The following LAMB3 variants were observed in gnomAD, a reference collection of about 807,000 sequenced individuals.
LAMB3 encodes the protein laminin subunit beta 3.
Under a neutral mutation model 140.3 loss-of-function variants are expected in LAMB3, and 104 were observed. The ratio of observed to expected loss-of-function variants is 0.74; its 90% CI spans 0.63 to 0.87. The LOEUF (loss-of-function observed/expected upper bound fraction) is 0.87. Ranked by LOEUF, LAMB3 falls within the 40% of genes least tolerant of loss-of-function variation. The pLI is 0.00. For synonymous variants in LAMB3, 592 were observed against 602.9 expected, an observed-to-expected ratio of 0.98 and a Z score of 0.26; for missense variants, 1,531 against 1,575.2, an observed-to-expected ratio of 0.97 and a Z score of 0.47.
At chr1:209,619,071 T>C (rs1004697801) in intron 18 of LAMB3, among the ~76,000 whole-genome samples, 2 of 152,200 alleles carry the variant, frequency 1.3e-5, no homozygotes, top group Admixed American at 6.5e-5. Context: ...AAAAGACCCC[T>C]TCCCTGCATT....
In LAMB3 at chr1:209,623,722, G is replaced by T; in HGVS notation, c.2141C>A (p.Ala714Asp). Residue 714 changes from alanine to aspartate, a missense_variant, in exon 16 of 23, where the codon GCC becomes GAC. By Grantham distance (126) the Ala-to-Asp change is moderately radical. Transcript: ENST00000356082. This position sits in a 1 kb window ranked among gnomAD's most constrained non-coding sequence, Gnocchi z 4.2. ...EKISSADPSG[A>D]FRMLSTAYEQ... ...GTAGGCTGTGCTCAGCATCCGGAAG[G>T]CTCCTGTGGCGAGAAGCATGAGGAA... is the stretch of plus-strand genomic sequence containing the variant. The T allele has an allele frequency of 1.2e-6, 2 of 1,613,996 alleles. No homozygotes were observed. Among genetic ancestry groups the T allele is most frequent in the Non-Finnish European group, 1.7e-6 (2 of 1,180,026 alleles).
At chr1:209,644,911 G>A (rs1316177018) in intron 3 of LAMB3, among the ~76,000 whole-genome samples, 4 of 152,182 alleles carry the variant, frequency 2.6e-5, no homozygotes, top group Non-Finnish European at 5.9e-5. Context: ...AAGAAGCAAG[G>A]TAGGTCTGCA....
rs1395720985 is a variant in LAMB3 at position 209,627,463 on chromosome 1, G to A, written c.1405C>T (p.His469Tyr). 6.2e-7 allele frequency: 1 copy of A among 1,613,908 alleles called. No homozygotes were observed. Among genetic ancestry groups the A allele is most frequent in the East Asian group, 2.2e-5 (1 of 44,862 alleles). ...CCCTGGCCACTGGCCAGCTTCCAGT[G>A]GTAGGGAGCACACTGGTCACATTTG... ...GPKCDQCAPYHWKLASGQGCE... is the reference protein window; with the variant it reads ...GPKCDQCAPYYWKLASGQGCE... The change falls in exon 12 of 23, where the codon CAC (histidine) becomes TAC (tyrosine). Residue 469 changes from histidine (H) to tyrosine (Y), a missense_variant. Transcript: ENST00000356082.
chr1:209,651,586 G>A (rs2076566816), intron 1 of LAMB3, among the ~76,000 whole-genome samples: 1 of 152,230 alleles, frequency 6.6e-6, no homozygotes, highest in Admixed American at 6.5e-5. Context: ...TAACAAGTGA[G>A]TGAGGGTTTC....
intron 5 of LAMB3, among the ~76,000 whole-genome samples, chr1:209,635,992 T>A (rs984722818): frequency 6.6e-6 from 1 of 152,204 alleles, no homozygotes; most frequent in Non-Finnish European, 1.5e-5. Flanking sequence ...GGGTTCCCTC[T>A]CATCTTTTGT....
chr1:209,623,991 G>A lies in LAMB3; in HGVS notation c.1986C>T (p.Leu662=), dbSNP rs763548088. Residue 662 remains leucine (L), a synonymous_variant, in exon 15 of 23, where the codon CTC becomes CTT. Coordinates refer to ENST00000356082, the MANE Select transcript of LAMB3 (RefSeq NM_000228.3). The surrounding 1 kb of genome is among the most constrained non-coding windows in gnomAD (Gnocchi z 4.2). The part of the protein sequence containing the change: ...ASAILSLRRT[L]QGLQLDLPLE... ...GGGGCAGATCCAGCTGCAGGCCCTG[G>A]AGAGTTCGCCTGAGAAGGGAGAGGA... The A allele has an allele frequency of 6.2e-7, 1 of 1,613,334 alleles. No homozygotes were observed. Among genetic ancestry groups the A allele is most frequent in the Non-Finnish European group, 8.5e-7 (1 of 1,179,992 alleles).
At chr1:209,618,344 C>A (rs1430237332) in intron 19 of LAMB3, 108 bp downstream of exon 19, 1 of 1,124,920 alleles carries the variant, frequency 8.9e-7, no homozygotes, top group Non-Finnish European at 1.3e-6. Flanking sequence ...ATGGTAAGCA[C>A]CCCCTCCTGT....
chr1:209,631,681 C>T (rs966313623), intron 8 of LAMB3, among the ~76,000 whole-genome samples: 2 of 152,206 alleles, frequency 1.3e-5, no homozygotes, highest in Non-Finnish European at 2.9e-5. Flanking sequence ...CCTCCCACCT[C>T]GTCATGTCAT....
At chr1:209,620,746 G>A (rs1422365518) in intron 18 of LAMB3, among the ~76,000 whole-genome samples, 1 of 152,224 alleles carries the variant, frequency 6.6e-6, no homozygotes, top group Non-Finnish European at 1.5e-5. Flanking sequence ...TGTAATACAT[G>A]CAAAGCACTT....
At position 209,638,558 on chromosome 1, in the gene LAMB3, TG is replaced by T; in HGVS notation, c.273del (p.Met92CysfsTer10). On this transcript the variant is annotated frameshift_variant, in exon 4 of 23. Coordinates refer to ENST00000356082, the MANE Select transcript of LAMB3 (RefSeq NM_000228.3). LOFTEE classifies it high-confidence loss of function. ...RVENVASSSGPMRWWQSQNDV... is the reference protein window; with the variant it reads ...RVENVASSSGXMRWWQSQNDV... ...CCATTCTGTGACTGCCACCAGCGCA[TG>T]GGGCCGGAGGATGAAGCCACATTCT... The T allele has an allele frequency of 6.2e-7, 1 of 1,612,746 alleles. No individual in the cohort carries two copies. The highest frequency in any genetic ancestry group is 8.5e-7 in the Non-Finnish European group (1 of 1,178,718).
Position 209,637,991 on chromosome 1 carries a change from CA to C in LAMB3, c.299-11del, listed in dbSNP as rs762438615. On this transcript the variant is annotated splice_polypyrimidine_tract_variant and intron_variant, in intron 4 of 22. Transcript: ENST00000356082. ...GAGACAGGGTTCACATCTGGAAGGA[CA>C]AAAAATAGAAACTGTCATCCAGAGA... The C allele has an allele frequency of 1.2e-6, 2 of 1,609,472 alleles. No homozygotes were observed. The highest frequency in any genetic ancestry group is 1.7e-6 in the Non-Finnish European group (2 of 1,177,162).
rs139931753 is a variant in LAMB3 at position 209,639,667 on chromosome 1, G to GCA, written c.184-1021_184-1020dup. Reference sequence around the variant, plus strand: ...CGCACACGCGTGCACATGCGCACACGCACACACACACACACAGATAACACG... The same window carrying GCA: ...CGCACACGCGTGCACATGCGCACACGCACACACACACACACACAGATAACACG... On this transcript the variant is annotated intron_variant, in intron 3 of 22. Transcript: ENST00000356082. Among the ~76,000 whole-genome samples the GCA allele has an allele frequency of 2.2e-3, 338 of 150,726 alleles. 1 individual carries two copies. The highest frequency in any genetic ancestry group is 7.0e-3 in the African/African-American group (289 of 41,110).
chr1:209,640,287 C>T (rs773224867), intron 3 of LAMB3, among the ~76,000 whole-genome samples: 1 of 152,214 alleles, frequency 6.6e-6, no homozygotes, highest in Non-Finnish European at 1.5e-5. Flanking sequence ...TGGTGGCTCA[C>T]GCCTGTAATC....
chr1:209,622,771 G>T, intron 17 of LAMB3, 91 bp from the exon 18 acceptor site: 1 of 1,544,934 alleles, frequency 6.5e-7, no homozygotes, highest in Non-Finnish European at 8.9e-7. Flanking sequence ...TCTATGCCAA[G>T]ACCTACCTAG....
Position 209,637,961 on chromosome 1 carries a change from G to T in LAMB3, c.319C>A (p.Gln107Lys), listed in dbSNP as rs1384430618. The T allele has an allele frequency of 2.5e-6, 4 of 1,613,190 alleles. No individual in the cohort carries two copies. Among genetic ancestry groups the T allele is most frequent in the Non-Finnish European group, 2.5e-6 (3 of 1,179,600 alleles). Residue 107 changes from glutamine to lysine, a missense_variant, in exon 5 of 23, where the codon CAG becomes AAG. By Grantham distance (53) the Gln-to-Lys change is moderately conservative. Transcript: ENST00000356082. Reference protein sequence around the residue: ...SQNDVNPVSLQLDLDRRFQLQ... With the variant: ...SQNDVNPVSLKLDLDRRFQLQ... ...TGGAATCTCCTGTCCAGGTCCAGCTGCAGAGAGACAGGGTTCACATCTGGA... is the reference window on the plus strand; with the variant it reads ...TGGAATCTCCTGTCCAGGTCCAGCTTCAGAGAGACAGGGTTCACATCTGGA...
Position 209,618,438 on chromosome 1 carries a change from G to A in LAMB3, c.2909+14C>T, listed in dbSNP as rs557345875. On this transcript the variant is annotated intron_variant, in intron 19 of 22. Transcript: ENST00000356082. ...AATCCTGGGCAGAGAGAAGTTCAGG[G>A]CCCAAGGCCATACCTGGCTTCCTCA... The A allele has an allele frequency of 6.8e-6, 11 of 1,611,986 alleles. No individual in the cohort carries two copies. The highest frequency in any genetic ancestry group is 9.3e-6 in the Non-Finnish European group (11 of 1,179,552).
chr1:209,618,138 AC>A, intron 19 of LAMB3, 90 bp from the exon 20 acceptor site: 1 of 1,520,628 alleles, frequency 6.6e-7, no homozygotes, highest in Non-Finnish European at 9.1e-7. Context: ...GTCCAAAAGA[AC>A]ACCCTTCCCA....
chr1:209,623,822 G>A lies in LAMB3; in HGVS notation c.2137+18C>T, dbSNP rs747650192. 67 of 1,614,038 alleles carry A rather than the reference G, an allele frequency of 4.2e-5. No individual in the cohort carries two copies. Among genetic ancestry groups the A allele is most frequent in the Middle Eastern group, 1.6e-4 (1 of 6,084 alleles). On this transcript the variant is annotated intron_variant, in intron 15 of 22. Transcript: ENST00000356082. This position sits in a 1 kb window ranked among gnomAD's most constrained non-coding sequence, Gnocchi z 4.2. ...GCAGTGCCCATGCCCGGGGTTATCC[G>A]GGTGCCCCTCTCCTCACCTGAAGGA... is the stretch of plus-strand genomic sequence containing the variant.
chr1:209,628,618 C>T (rs1666562543), intron 10 of LAMB3, among the ~76,000 whole-genome samples: 1 of 152,090 alleles, frequency 6.6e-6, no homozygotes, highest in Non-Finnish European at 1.5e-5. Flanking sequence ...ATCACTTGAA[C>T]CTGGGAGGCG....
Sources: allele counts gnomAD v4.1 joint callset (sites outside exome capture counted in the v4.1 genomes callset), GRCh38; gene constraint gnomAD v4.1.1; non-coding constraint Gnocchi (gnomAD v3.1); transcripts MANE v1.5; gene names NCBI Gene and HGNC (gene_info 2026-07-23, HGNC 2026-07-21).